SPTAN1: variants seen among roughly 807,000 people sequenced by gnomAD.
SPTAN1 encodes the protein spectrin alpha, non-erythrocytic 1, also known as spectrin alpha chain, non-erythrocytic 1.
SPTAN1 carries 61 observed loss-of-function variants against 331.3 expected under a neutral mutation model. The observed-to-expected ratio is 0.18, with a 90% confidence interval of 0.15 to 0.23. SPTAN1 has a LOEUF of 0.23. Ranked by LOEUF, SPTAN1 falls within the 10% of genes least tolerant of loss-of-function variation. The probability of loss-of-function intolerance (pLI) is 1.00; values close to 1 mark genes in which losing one functional copy is unlikely to be tolerated. For missense variants in SPTAN1, 2,043 were observed against 3,147.9 expected, an observed-to-expected ratio of 0.65 and a Z score of 8.40; for synonymous variants, 1,153 against 1,173.9, an observed-to-expected ratio of 0.98 and a Z score of 0.36.
In SPTAN1 at chr9:128,576,469, C is replaced by T. The variant is rs141161565; in HGVS notation, c.652-354C>T. On this transcript the variant is annotated intron_variant, in intron 5 of 56. Coordinates refer to ENST00000372739, the MANE Select transcript of SPTAN1 (RefSeq NM_001130438.3). ...CAAGAATGCTTAACAGCCTCATGAA[C>T]ATCTGAAATACCAAATTTTCAAGCA... 3.9e-3 allele frequency among the ~76,000 whole-genome samples: 600 copies of T among 152,298 alleles called. 4 individuals are homozygous for T. The highest frequency in any genetic ancestry group is 6.8e-3 in the Non-Finnish European group (460 of 68,030).
rs113036663 is a variant in SPTAN1 at position 128,628,881 on chromosome 9, C to T, written c.6707+939C>T. On this transcript the variant is annotated intron_variant, in intron 51 of 56. Transcript: ENST00000372739. ...CATGCCTGTGTCTGCTGGTCTTGCT[C>T]TTGTCTCCGTGAGGTGCCACGCTCC... 2,800 of 361,610 alleles carry T rather than the reference C, an allele frequency of 7.7e-3. 15 individuals carry two copies. The highest frequency in any genetic ancestry group is 0.011 in the Non-Finnish European group (2,277 of 202,816). 22.4% of individuals were successfully genotyped at this position (361,610 alleles called of 1,614,324 possible).
At chr9:128,630,534 C>G in intron 52 of SPTAN1, 159 bp downstream of exon 52, 1 of 667,708 alleles carries the variant, frequency 1.5e-6, no homozygotes, top group East Asian at 2.8e-5. Context: ...CTATCTCTCT[C>G]TCTTTTCTTT....
rs567417206 is a variant in SPTAN1 at position 128,621,095 on chromosome 9, C to A, written c.5734-63C>A. The A allele has an allele frequency of 4.3e-5, 63 of 1,473,280 alleles. No homozygotes were observed. In the South Asian group the frequency reaches 7.0e-4, roughly 16 times the overall value. 91.3% of individuals were successfully genotyped at this position (1,473,280 alleles called of 1,614,324 possible). ...TAGCAGTTTTGTCACTCTCTGTCCCCGGGGCCTAGCCCACAACACATAGCA... is the reference window on the plus strand; with the variant it reads ...TAGCAGTTTTGTCACTCTCTGTCCCAGGGGCCTAGCCCACAACACATAGCA... On this transcript the variant is annotated intron_variant, in intron 44 of 56. Transcript: ENST00000372739.
At chr9:128,557,661 T>A (rs994230137) in intron 1 of SPTAN1, among the ~76,000 whole-genome samples, 1 of 152,058 alleles carries the variant, frequency 6.6e-6, no homozygotes, top group Non-Finnish European at 1.5e-5. Context: ...TCTCTTGGCG[T>A]TCATCAATAA....
At chr9:128,568,924 A>G (rs767617004) in intron 3 of SPTAN1, 27 bp downstream of exon 3, 3 of 1,613,616 alleles carry the variant, frequency 1.9e-6, no homozygotes, top group East Asian at 2.2e-5. Flanking sequence ...CGTGGAGTGG[A>G]TGGCTTCATC....
intron 12 of SPTAN1, among the ~76,000 whole-genome samples, chr9:128,582,160 C>T (rs1462940943): frequency 6.6e-6 from 1 of 152,198 alleles, no homozygotes; most frequent in Non-Finnish European, 1.5e-5. Context: ...AAGAGGTACT[C>T]TTCCCATTGA....
chr9:128,633,073 C>A, intron 56 of SPTAN1, 118 bp downstream of exon 56: 18 of 1,591,322 alleles, frequency 1.1e-5, no homozygotes, highest in South Asian at 2.2e-5. Flanking sequence ...ATTTACAAAT[C>A]AAACTCAGTA....
chr9:128,577,270 C>T lies in SPTAN1; in HGVS notation c.927C>T (p.Asp309=). The T allele has an allele frequency of 6.2e-7, 1 of 1,614,182 alleles. No individual in the cohort carries two copies. Among genetic ancestry groups the T allele is most frequent in the South Asian group, 1.1e-5 (1 of 91,086 alleles). The change falls in exon 7 of 57, where the codon GAC becomes GAT. Residue 309 remains aspartate, a synonymous_variant. Transcript: ENST00000372739. The surrounding 1 kb of genome is among the most constrained non-coding windows in gnomAD (Gnocchi z 4.2). ...GLERDLAALE[D]KVKALCAEAD... is the part of the protein sequence containing the mutation. The stretch of plus-strand genomic sequence containing the variant: ...AGAGAGATCTTGCTGCTCTAGAAGA[C>T]AAGGTGGGTTTTACAAGCAGCTGAT...
chr9:128,618,484 ATGTTTT>A (rs933264433), intron 43 of SPTAN1, among the ~76,000 whole-genome samples: 7 of 151,412 alleles, frequency 4.6e-5, no homozygotes, highest in East Asian at 1.9e-4. Flanking sequence ...TTTTTTGTGA[ATGTTTT>A]TGTTTTTGTT....
In SPTAN1 at chr9:128,625,946, A is replaced by C. The variant is rs757178508; in HGVS notation, c.6247A>C (p.Lys2083Gln). ...GGCCAACTCAGCCGCCCGCAAGAAG[A>C]AGCTTCTGGAGGCTCAGAGTCACTT... ...LLANSAARKK[K>Q]LLEAQSHFRK... Residue 2083 changes from lysine to glutamine, a missense_variant, in exon 48 of 57, where the codon AAG becomes CAG. By Grantham distance (53) the Lys-to-Gln change is moderately conservative. Transcript: ENST00000372739. The surrounding 1 kb of genome is among the most constrained non-coding windows in gnomAD (Gnocchi z 4.1). 62 of 1,614,026 alleles carry C rather than the reference A, an allele frequency of 3.8e-5. No individual in the cohort carries two copies. The highest frequency in any genetic ancestry group is 1.2e-4 in the South Asian group (11 of 91,086).
chr9:128,589,012 T>C (rs545235128), intron 21 of SPTAN1, 69 bp downstream of exon 21: 302 of 1,592,098 alleles, frequency 1.9e-4, no homozygotes, highest in Non-Finnish European at 2.5e-4. Context: ...GTTGGGTTTC[T>C]GTGGGTTGCA....
intron 48 of SPTAN1, 71 bp from the exon 49 acceptor site, chr9:128,626,320 C>A (rs1042488048): frequency 6.3e-7 from 1 of 1,581,470 alleles, no homozygotes; most frequent in African/African-American, 1.3e-5. Flanking sequence ...CCACCCCGCA[C>A]CCCACCTCCT....
rs780240670 is a variant in SPTAN1 at position 128,600,070 on chromosome 9, C to CT, written c.3544-7dup. ...TGCTTGGCTGCCTAAATTCCTCTTT[C>CT]TTTGAATAGGATGAAACTGATTCCA... On this transcript the variant is annotated splice_polypyrimidine_tract_variant and intron_variant, in intron 26 of 56. Coordinates refer to ENST00000372739, the MANE Select transcript of SPTAN1 (RefSeq NM_001130438.3). 1.2e-6 allele frequency: 2 copies of CT among 1,614,200 alleles called. No homozygotes were observed. The highest frequency in any genetic ancestry group is 2.2e-5 in the South Asian group (2 of 91,084).
intron 27 of SPTAN1, among the ~76,000 whole-genome samples, chr9:128,603,119 G>A (rs1179047701): frequency 6.6e-6 from 1 of 152,074 alleles, no homozygotes; most frequent in Non-Finnish European, 1.5e-5. Context: ...TATAATTGGA[G>A]ATGAAAGTGA....
At chr9:128,613,580 T>G in intron 40 of SPTAN1, 95 bp downstream of exon 40, 2 of 1,016,380 alleles carry the variant, frequency 2.0e-6, no homozygotes, top group Non-Finnish European at 3.1e-6. Flanking sequence ...AGAGAGTGAC[T>G]TCTTTCACTT....
chr9:128,592,423 T>C (rs1055934416), intron 22 of SPTAN1, among the ~76,000 whole-genome samples: 1 of 152,106 alleles, frequency 6.6e-6, no homozygotes, highest in East Asian at 1.9e-4. Context: ...TGCTGGCACA[T>C]GCCACCATGC....
intron 52 of SPTAN1, 101 bp from the exon 53 acceptor site, chr9:128,632,026 G>A: frequency 7.7e-7 from 1 of 1,299,464 alleles, no homozygotes; most frequent in Non-Finnish European, 1.1e-6. Flanking sequence ...CGAGGTCTCA[G>A]GCCAGGCCTG....
chr9:128,626,253 A>AGGAGCAGAGGG, intron 48 of SPTAN1, 138 bp from the exon 49 acceptor site: 1 of 1,139,024 alleles, frequency 8.8e-7, no homozygotes, highest in Non-Finnish European at 1.3e-6. Flanking sequence ...AGCAGGAGAC[A>AGGAGCAGAGGG]GGAGCAGAGG....
intron 24 of SPTAN1, among the ~76,000 whole-genome samples, chr9:128,597,473 A>G (rs959277528): frequency 2.6e-5 from 4 of 152,180 alleles, no homozygotes; most frequent in African/African-American, 9.7e-5. Context: ...GCAGTGATCC[A>G]TGATTGTAAT....
Sources: allele counts gnomAD v4.1 joint callset (sites outside exome capture counted in the v4.1 genomes callset), GRCh38; gene constraint gnomAD v4.1.1; non-coding constraint Gnocchi (gnomAD v3.1); transcripts MANE v1.5; gene names NCBI Gene and HGNC (gene_info 2026-07-23, HGNC 2026-07-21).